COG2: variants seen among roughly 807,000 people sequenced by gnomAD.
COG2 encodes the protein component of oligomeric golgi complex 2, also known as conserved oligomeric Golgi complex subunit 2.
In COG2, 52 loss-of-function variants were observed where a neutral mutation model predicts 90.6. That is an observed-to-expected ratio of 0.57 (90% CI 0.46 to 0.72). The LOEUF (loss-of-function observed/expected upper bound fraction) is 0.72. Among genes scored for constraint, COG2 ranks in the 30% least tolerant of loss-of-function variants. COG2 has a pLI of 0.00. For synonymous variants in COG2, 337 were observed against 320.4 expected (o/e 1.05, Z -0.55); for missense variants, 829 against 891.2 (o/e 0.93, Z 0.89).
chr1:230,659,946 G>C (rs890549751), intron 2 of COG2, among the ~76,000 whole-genome samples: 1 of 152,142 alleles, frequency 6.6e-6, no homozygotes, highest in Non-Finnish European at 1.5e-5. Flanking sequence ...ATTTGCAAGA[G>C]CAAATATCAA....
At chr1:230,680,122 T>C (rs1280778811) in intron 10 of COG2, 1 of 152,208 alleles carries the variant, frequency 6.6e-6, no homozygotes, top group Non-Finnish European at 1.5e-5. Flanking sequence ...ATTAATGGGA[T>C]GCACTGGAAA....
intron 12 of COG2, among the ~76,000 whole-genome samples, chr1:230,686,029 G>A (rs1381965404): frequency 6.6e-6 from 1 of 152,236 alleles, no homozygotes; most frequent in Non-Finnish European, 1.5e-5. Flanking sequence ...CTCTTGCAGT[G>A]TATTTTAATG....
In COG2 at chr1:230,687,010, T is replaced by C; in HGVS notation, c.1456T>C (p.Ser486Pro). The C allele has an allele frequency of 6.2e-7, 1 of 1,610,626 alleles. No homozygotes were observed. The highest frequency in any genetic ancestry group is 8.5e-7 in the Non-Finnish European group (1 of 1,177,884). ...KPLVTGSKEP[S>P]ITQGNTEDQG... ...TTTGGTAACTGGTAGCAAAGAACCT[T>C]CCATCACCCAAGGAAACACTGAAGA... The change falls in exon 13 of 18, where the codon TCC (serine) becomes CCC (proline). Residue 486 changes from serine to proline, a missense_variant. Coordinates refer to ENST00000366669, the MANE Select transcript of COG2 (RefSeq NM_007357.3).
intron 8 of COG2, among the ~76,000 whole-genome samples, chr1:230,671,868 C>G (rs944777961): frequency 3.3e-5 from 5 of 152,336 alleles, no homozygotes; most frequent in African/African-American, 1.2e-4. Flanking sequence ...GACCACATTT[C>G]CGAATCCAAA....
chr1:230,647,357 C>T (rs1014067578), intron 1 of COG2, among the ~76,000 whole-genome samples: 6 of 152,094 alleles, frequency 3.9e-5, no homozygotes, highest in African/African-American at 1.4e-4. Context: ...CATCTGTATT[C>T]TAAGTGTGTA....
intron 5 of COG2, among the ~76,000 whole-genome samples, chr1:230,667,371 C>A (rs2102756094): frequency 6.6e-6 from 1 of 150,750 alleles, no homozygotes; most frequent in East Asian, 2.0e-4. Context: ...TTTCTGATGA[C>A]CTCAGTGATG....
At chr1:230,677,417 G>A (rs2102764630) in intron 9 of COG2, among the ~76,000 whole-genome samples, 1 of 152,318 alleles carries the variant, frequency 6.6e-6, no homozygotes, top group Admixed American at 6.5e-5. Flanking sequence ...AACACATTGG[G>A]AGGTTTACCA....
Position 230,653,546 on chromosome 1 carries a change from A to AATTTTACTAGCCAGAATTG in COG2, c.73-5915_73-5914insTTACTAGCCAGAATTGATT, listed in dbSNP as rs1206837259. On this transcript the variant is annotated intron_variant, in intron 1 of 17. Transcript: ENST00000366669. ...AGAGTTTGATTCTACTAAAGAATCA[A>AATTTTACTAGCCAGAATTG]ATTCTACTAGCCAGAATTGATTCTA... Among the ~76,000 whole-genome samples the AATTTTACTAGCCAGAATTG allele has an allele frequency of 9.2e-5, 14 of 152,248 alleles. 1 individual carries two copies. The South Asian group carries it at 2.7e-3, about 29-fold the overall frequency.
chr1:230,666,624 A>G (rs1180291471), intron 5 of COG2, among the ~76,000 whole-genome samples: 2 of 152,102 alleles, frequency 1.3e-5, no homozygotes, highest in African/African-American at 4.8e-5. Flanking sequence ...ATTCAGAACT[A>G]CTTTTGGTTC....
intron 10 of COG2, 199 bp from the exon 11 acceptor site, chr1:230,683,375 A>T (rs562807465): frequency 6.9e-5 from 37 of 536,296 alleles, no homozygotes; most frequent in African/African-American, 6.2e-4. Flanking sequence ...GAACCCTTAT[A>T]TAACAGTGGC....
chr1:230,693,247 C>A, intron 17 of COG2, 45 bp from the exon 18 acceptor site: 1 of 1,130,664 alleles, frequency 8.8e-7, no homozygotes, highest in Non-Finnish European at 1.3e-6. Context: ...CCCCCATATT[C>A]AGCTTGAATT....
At chr1:230,662,188 C>T (rs942594108) in intron 3 of COG2, among the ~76,000 whole-genome samples, 5 of 152,160 alleles carry the variant, frequency 3.3e-5, no homozygotes, top group African/African-American at 1.2e-4. Flanking sequence ...TCCCTCCTTC[C>T]ACAGCTGTCT....
At chr1:230,646,477 T>C (rs1661778452) in intron 1 of COG2, among the ~76,000 whole-genome samples, 1 of 152,312 alleles carries the variant, frequency 6.6e-6, no homozygotes, top group East Asian at 1.9e-4. Flanking sequence ...GGTTATGGAC[T>C]CAGCCACGTG....
At chr1:230,689,021 A>G (rs746512405) in intron 15 of COG2, among the ~76,000 whole-genome samples, 2 of 152,082 alleles carry the variant, frequency 1.3e-5, no homozygotes, top group Admixed American at 6.5e-5. Flanking sequence ...TTAGGGGGAA[A>G]AAAAACTACA....
At chr1:230,692,645 A>G (rs2478535) in intron 17 of COG2, among the ~76,000 whole-genome samples, 95,901 of 151,994 alleles carry the variant, frequency 0.63, 31,549 homozygotes, top group Non-Finnish European at 0.75. Flanking sequence ...GGGGAAGGAA[A>G]AGGTGCTCCC....
Position 230,687,046 on chromosome 1 carries a change from G to C in COG2, c.1492G>C (p.Gly498Arg). 1 of 1,612,820 alleles carries C rather than the reference G, an allele frequency of 6.2e-7. No homozygotes were observed. Among genetic ancestry groups the C allele is most frequent in the Non-Finnish European group, 8.5e-7 (1 of 1,179,280 alleles). Residue 498 changes from glycine to arginine, a missense_variant, in exon 13 of 18, where the codon GGT becomes CGT. Transcript: ENST00000366669. ...AGGAAACACTGAAGACCAAGGAAGTGGTCCTTCGGAAACAAAGCCTGTGGT... is the reference window on the plus strand; with the variant it reads ...AGGAAACACTGAAGACCAAGGAAGTCGTCCTTCGGAAACAAAGCCTGTGGT... ...TQGNTEDQGS[G>R]PSETKPVVSI... is the part of the protein sequence containing the mutation.
At chr1:230,683,254 A>C (rs758988727) in intron 10 of COG2, 3 of 270,596 alleles carry the variant, frequency 1.1e-5, no homozygotes, top group Non-Finnish European at 2.1e-5. Context: ...AGAGGATCAT[A>C]ATCAGGTGCT....
At position 230,675,122 on chromosome 1, in the gene COG2, G is replaced by A; in HGVS notation, c.1024G>A (p.Glu342Lys). 6.2e-7 allele frequency: 1 copy of A among 1,610,386 alleles called. No individual in the cohort carries two copies. The highest frequency in any genetic ancestry group is 8.5e-7 in the Non-Finnish European group (1 of 1,178,338). ...TCCTGGGAATCCCGATGCATTTCAT[G>A]AGGTATCTCCCCGCCCGTCGTCTTG... ...FNPGNPDAFH[E>K]KYTISMDFVR... is the part of the protein sequence containing the mutation. The change falls in exon 9 of 18, where the codon GAG becomes AAG. Residue 342 changes from glutamate to lysine, a missense_variant and splice_region_variant. Glu to Lys is a moderately conservative substitution (Grantham distance 56). Transcript: ENST00000366669.
In COG2 at chr1:230,675,058, A is replaced by G. The variant is rs746981764; in HGVS notation, c.960A>G (p.Ile320Met). ...TGGTGAATTCTGTTTGGCCACAAAT[A>G]GTACAAGGATTAGAAGAAAAGTTAC... is the stretch of plus-strand genomic sequence containing the variant. ...DFLVNSVWPQ[I>M]VQGLEEKLPS... The change falls in exon 9 of 18, where the codon ATA (isoleucine) becomes ATG (methionine). Residue 320 changes from isoleucine (I) to methionine (M), a missense_variant. Coordinates refer to ENST00000366669, the MANE Select transcript of COG2 (RefSeq NM_007357.3). 1.2e-6 allele frequency: 2 copies of G among 1,613,160 alleles called. No homozygotes were observed. The highest frequency in any genetic ancestry group is 1.7e-6 in the Non-Finnish European group (2 of 1,179,558).
Sources: gnomAD v4.1 joint callset for allele counts (sites outside exome capture counted in the v4.1 genomes callset) on GRCh38, gnomAD v4.1.1 for gene constraint, MANE v1.5 for transcripts, NCBI Gene and HGNC (gene_info 2026-07-23, HGNC 2026-07-21) for gene names.